Variants in OR2L13 observed in about 807,000 individuals in gnomAD.
The protein encoded by OR2L13 is olfactory receptor 2L13.
In OR2L13, 14 loss-of-function variants were observed where a neutral mutation model predicts 15.3. The observed-to-expected ratio is 0.91, with a 90% CI of 0.60 to 1.43. The LOEUF is 1.43. Ranked by LOEUF, OR2L13 falls within the 40% of genes most tolerant of loss-of-function variation. The pLI is 0.00. For synonymous variants in OR2L13, 152 were observed against 142.9 expected, an observed-to-expected ratio of 1.06 and a Z score of -0.45; for missense variants, 367 against 387.9, an observed-to-expected ratio of 0.95 and a Z score of 0.45.
the OR2L13 span, among the ~76,000 whole-genome samples, chr1:247,952,038 T>G: frequency 6.6e-6 from 1 of 152,172 alleles, no homozygotes; most frequent in Admixed American, 6.6e-5. Flanking sequence ...CCCCATGTGG[T>G]TGTTGCCTGA....
At chr1:248,081,773 A>C in the OR2L13 span, among the ~76,000 whole-genome samples, 1 of 152,102 alleles carries the variant, frequency 6.6e-6, no homozygotes, top group Non-Finnish European at 1.5e-5. Flanking sequence ...TTACTGAATA[A>C]CCTTCTCTTG....
At chr1:248,044,863 A>T in the OR2L13 span, among the ~76,000 whole-genome samples, 8 of 151,026 alleles carry the variant, frequency 5.3e-5, no homozygotes, top group Non-Finnish European at 5.9e-5. Context: ...TGTCTCCAGA[A>T]GGCTGATTTG....
the OR2L13 span, among the ~76,000 whole-genome samples, chr1:248,073,857 C>G: frequency 6.6e-6 from 1 of 151,804 alleles, no homozygotes; most frequent in Non-Finnish European, 1.5e-5. Context: ...GACACATGGA[C>G]TAATATAAAT....
the OR2L13 span, among the ~76,000 whole-genome samples, chr1:247,957,816 A>G: frequency 6.6e-6 from 1 of 151,912 alleles, no homozygotes; most frequent in Admixed American, 6.6e-5. Context: ...TATTGTATCT[A>G]TTTGATTCTT....
At chr1:247,998,481 G>A in the OR2L13 span, among the ~76,000 whole-genome samples, 1 of 152,102 alleles carries the variant, frequency 6.6e-6, no homozygotes, top group Non-Finnish European at 1.5e-5. Flanking sequence ...TGAATGATCA[G>A]TGATTATGTC....
chr1:248,000,123 G>GTGTGTGTGTGTGTGTGTGTGT, the OR2L13 span, among the ~76,000 whole-genome samples: 50 of 138,296 alleles, frequency 3.6e-4, no homozygotes, highest in African/African-American at 1.2e-3. Flanking sequence ...TTTTTTTTTT[G>GTGTGTGTGTGTGTGTGTGTGT]GTGTGTGTGT....
At chr1:247,949,012 C>A in the OR2L13 span, 2 of 1,613,868 alleles carry the variant, frequency 1.2e-6, no homozygotes, top group Non-Finnish European at 1.7e-6. Flanking sequence ...TTCTTGGACA[C>A]CCATCTCCAC....
the OR2L13 span, among the ~76,000 whole-genome samples, chr1:248,051,791 T>G: frequency 6.6e-6 from 1 of 152,144 alleles, no homozygotes; most frequent in Non-Finnish European, 1.5e-5. Context: ...ATTTATTATT[T>G]TATTTATTTC....
chr1:248,064,091 G>A, the OR2L13 span, among the ~76,000 whole-genome samples: 2 of 152,226 alleles, frequency 1.3e-5, no homozygotes, highest in South Asian at 4.1e-4. Flanking sequence ...GGAAGTGAAT[G>A]AGATCATGCA....
the OR2L13 span, among the ~76,000 whole-genome samples, chr1:247,960,633 A>C: frequency 6.6e-6 from 1 of 152,110 alleles, no homozygotes; most frequent in East Asian, 2.0e-4. Flanking sequence ...CTCAAGCCTC[A>C]GCAATGGCAG....
At chr1:248,095,389 A>G (rs938550675), upstream of OR2L13, 2 of 152,126 alleles carry the variant, frequency 1.3e-5, no homozygotes, top group African/African-American at 2.4e-5. Flanking sequence ...AGGAATGAAT[A>G]TTATAAAGTG....
At chr1:248,010,390 A>G in the OR2L13 span, among the ~76,000 whole-genome samples, 1 of 152,120 alleles carries the variant, frequency 6.6e-6, no homozygotes, top group Non-Finnish European at 1.5e-5. Flanking sequence ...GCTGAGAAGA[A>G]TGTATATTCT....
At chr1:247,939,187 A>G in the OR2L13 span, 1 of 152,200 alleles carries the variant, frequency 6.6e-6, no homozygotes, top group Non-Finnish European at 1.5e-5. Context: ...AACAAATTGA[A>G]ACTTATTTTA....
chr1:248,022,422 A>G, the OR2L13 span: 1 of 1,614,112 alleles, frequency 6.2e-7, no homozygotes, highest in Non-Finnish European at 8.5e-7. Context: ...TTGTGCTCAC[A>G]CAGTATATGC....
chr1:248,021,882 A>G, the OR2L13 span: 3 of 1,294,530 alleles, frequency 2.3e-6, no homozygotes, highest in East Asian at 2.3e-5. Flanking sequence ...CCCTGCAGAT[A>G]ATGGGGAACT....
the OR2L13 span, chr1:247,990,988 A>AG: frequency 6.6e-7 from 1 of 1,512,212 alleles, no homozygotes; most frequent in Non-Finnish European, 9.2e-7. Context: ...TTCGACCTGC[A>AG]GCACCCACCT....
At chr1:248,053,647 A>G in the OR2L13 span, among the ~76,000 whole-genome samples, 1 of 152,214 alleles carries the variant, frequency 6.6e-6, no homozygotes. Flanking sequence ...AATAATTGCC[A>G]TTCTGATCGG....
the OR2L13 span, among the ~76,000 whole-genome samples, chr1:248,063,793 CGTGTGTGTGTGTGT>C: frequency 1.2e-4 from 17 of 146,530 alleles, no homozygotes; most frequent in Non-Finnish European, 4.5e-5. Flanking sequence ...AAGATGTGTG[CGTGTGTGTGTGTGT>C]GTGTGTGTGT....
chr1:248,043,264 T>G, the OR2L13 span, among the ~76,000 whole-genome samples: 2 of 152,190 alleles, frequency 1.3e-5, no homozygotes, highest in Non-Finnish European at 2.9e-5. Flanking sequence ...AGTAAGTATT[T>G]GAGTTCTATC....
Sources: gnomAD v4.1 joint callset for allele counts (sites outside exome capture counted in the v4.1 genomes callset) on GRCh38, gnomAD v4.1.1 for gene constraint, MANE v1.5 for transcripts, NCBI Gene and HGNC (gene_info 2026-07-23, HGNC 2026-07-21) for gene names.